The following DPYSL2 variants were observed in gnomAD, a reference collection of about 807,000 sequenced individuals.
The protein encoded by DPYSL2 is dihydropyrimidinase like 2.
DPYSL2 carries 13 observed loss-of-function variants against 69.9 expected under a neutral mutation model. The ratio of observed to expected loss-of-function variants is 0.19; its 90% CI spans 0.12 to 0.30. The LOEUF (loss-of-function observed/expected upper bound fraction) is 0.30, where lower values mean the gene tolerates loss of function less well. Ranked by LOEUF, DPYSL2 falls within the 10% of genes least tolerant of loss-of-function variation. The pLI, the probability that DPYSL2 is intolerant of heterozygous loss-of-function variation, is 1.00. For synonymous variants in DPYSL2, 326 were observed against 359.1 expected, an observed-to-expected ratio of 0.91 and a Z score of 1.04; for missense variants, 587 against 918.9, an observed-to-expected ratio of 0.64 and a Z score of 4.67.
rs750688878 is a variant in DPYSL2, at chr8:26,626,644, C to T, written c.821C>T (p.Ala274Val). ...HGVNSFLVYM[A>V]FKDRFQLTDC... ...GTAAATTCCTTCCTCGTGTACATGG[C>T]TTTCAAAGATCGCTTCCAGCTAACG... Residue 274 changes from alanine to valine, a missense_variant, in exon 5 of 14, where the codon GCT (alanine) becomes GTT (valine). Ala to Val is a moderately conservative substitution (Grantham distance 64). This residue lies in a region of DPYSL2 where 452 missense variants were observed against 754.3 expected (regional missense o/e 0.60). Transcript: ENST00000521913. This position sits in a 1 kb window ranked among gnomAD's most constrained non-coding sequence, Gnocchi z 4.3. 1 of 1,614,072 alleles carries T rather than the reference C, an allele frequency of 6.2e-7. No individual in the cohort carries two copies. Among genetic ancestry groups the T allele is most frequent in the African/African-American group, 1.3e-5 (1 of 74,918 alleles).
intron 8 of DPYSL2, among the ~76,000 whole-genome samples, chr8:26,637,157 C>T (rs139270958): frequency 1.7e-3 from 265 of 152,314 alleles, no homozygotes; most frequent in African/African-American, 6.1e-3. Context: ...AATGTGCCCA[C>T]ACCATGGTTC....
intron 3 of DPYSL2, among the ~76,000 whole-genome samples, chr8:26,601,953 G>A (rs1304602454): frequency 2.0e-5 from 3 of 152,214 alleles, no homozygotes; most frequent in South Asian, 4.1e-4. Flanking sequence ...CAACCTAGAT[G>A]TTTGTTATTT....
At chr8:26,578,400 T>G (rs1325826586) in intron 1 of DPYSL2, 2 of 1,578,650 alleles carry the variant, frequency 1.3e-6, no homozygotes, top group Admixed American at 1.9e-5. Context: ...CCGAACTTTT[T>G]TTTTCCTTTC....
rs562391926 is a variant in DPYSL2, at chr8:26,609,584, A to T, written c.629-14559A>T. On this transcript the variant is annotated intron_variant, in intron 3 of 13. Coordinates refer to ENST00000521913, the MANE Select transcript of DPYSL2 (RefSeq NM_001197293.3). The surrounding 1 kb of genome is among the most constrained non-coding windows in gnomAD (Gnocchi z 6.5). Reference sequence around the variant, plus strand: ...TCTGAATCTGTGGTCCCGTAGCCCCAGGCAACCAAAAGCTGAGACAAACAG... The same window carrying T: ...TCTGAATCTGTGGTCCCGTAGCCCCTGGCAACCAAAAGCTGAGACAAACAG... Among the ~76,000 whole-genome samples, 114 of 152,276 alleles carry T rather than the reference A, an allele frequency of 7.5e-4. 1 individual carries two copies. The highest frequency in any genetic ancestry group is 2.7e-3 in the African/African-American group (112 of 41,558).
At position 26,624,042 on chromosome 8, in the gene DPYSL2, G is replaced by T; in HGVS notation, c.629-101G>T. On this transcript the variant is annotated intron_variant, in intron 3 of 13. Coordinates refer to ENST00000521913, the MANE Select transcript of DPYSL2 (RefSeq NM_001197293.3). The surrounding 1 kb of genome is among the most constrained non-coding windows in gnomAD (Gnocchi z 4.7). Reference sequence around the variant, plus strand: ...TTGTAGAGATCACCATCTCGATTTTGAACCCAAGAAGCCTTATTCAGGGTT... The same window carrying T: ...TTGTAGAGATCACCATCTCGATTTTTAACCCAAGAAGCCTTATTCAGGGTT... 7.7e-7 allele frequency: 1 copy of T among 1,290,740 alleles called. No homozygotes were observed. Among genetic ancestry groups the T allele is most frequent in the East Asian group, 2.3e-5 (1 of 42,930 alleles). 80.0% of individuals were successfully genotyped at this position (1,290,740 alleles called of 1,614,324 possible). A position where few individuals can be genotyped will look rare whatever the true frequency, so the allele number is the denominator to read the frequency against.
In DPYSL2 at chr8:26,643,949, G is replaced by A; in HGVS notation, c.1284-1G>A. 6.2e-7 allele frequency: 1 copy of A among 1,613,808 alleles called. No individual in the cohort carries two copies. The highest frequency in any genetic ancestry group is 8.5e-7 in the Non-Finnish European group (1 of 1,179,822). ...CACCACGTTATGCATTTTCTTTGCA[G>A]TGGAGACCTCCAGGTCACGGGCAGT... On this transcript the variant is annotated splice_acceptor_variant, in intron 9 of 13. Transcript: ENST00000521913. LOFTEE classifies it high-confidence loss of function. The surrounding 1 kb of genome is among the most constrained non-coding windows in gnomAD (Gnocchi z 6.5).
Position 26,604,776 on chromosome 8 carries a change from C to T in DPYSL2, c.629-19367C>T, listed in dbSNP as rs139091686. Among the ~76,000 whole-genome samples, 439 of 152,230 alleles carry T rather than the reference C, an allele frequency of 2.9e-3. 1 individual carries two copies. Among genetic ancestry groups the T allele is most frequent in the African/African-American group, 0.01 (428 of 41,524 alleles). Reference sequence around the variant, plus strand: ...TCCGGGGTTCAAGTGATTCTCCTGCCTCAGCCTCCCAAGTAGCTGGGATTG... The same window carrying T: ...TCCGGGGTTCAAGTGATTCTCCTGCTTCAGCCTCCCAAGTAGCTGGGATTG... On this transcript the variant is annotated intron_variant, in intron 3 of 13. Coordinates refer to ENST00000521913, the MANE Select transcript of DPYSL2 (RefSeq NM_001197293.3).
chr8:26,643,672 A>G lies in DPYSL2; in HGVS notation c.1283+77A>G, dbSNP rs1002411548. 3 of 1,598,042 alleles carry G rather than the reference A, an allele frequency of 1.9e-6. No homozygotes were observed. The highest frequency in any genetic ancestry group is 1.3e-5 in the African/African-American group (1 of 74,684). ...GACTGACCTGTTAGGCGAAAACAAC[A>G]TGGTGGCCAAGAGCAGCCATAAAAC... On this transcript the variant is annotated intron_variant, in intron 9 of 13. Coordinates refer to ENST00000521913, the MANE Select transcript of DPYSL2 (RefSeq NM_001197293.3). The surrounding 1 kb of genome is among the most constrained non-coding windows in gnomAD (Gnocchi z 6.5).
chr8:26,556,144 G>GTATATATATAGTATA (rs1221324917), intron 1 of DPYSL2, among the ~76,000 whole-genome samples: 356 of 2,574 alleles, frequency 0.14, 80 homozygotes, highest in African/African-American at 0.15. Flanking sequence ...ACTATATATA[G>GTATATATATAGTATA]TATATACTAT....
Position 26,627,797 on chromosome 8 carries a change from A to ATGCCC in DPYSL2, c.937-74_937-70dup. 6.9e-7 allele frequency: 1 copy of ATGCCC among 1,453,210 alleles called. No homozygotes were observed. The highest frequency in any genetic ancestry group is 1.2e-5 in the South Asian group (1 of 84,188). 90.0% of individuals were successfully genotyped at this position (1,453,210 alleles called of 1,614,324 possible). A position where few individuals can be genotyped will look rare whatever the true frequency, so the allele number is the denominator to read the frequency against. ...TTTTCCATCTTGCCCGGATAACTGC[A>ATGCCC]TGCCCGGGCCTCTGCCATCAGAGCT... On this transcript the variant is annotated intron_variant, in intron 6 of 13. Transcript: ENST00000521913. This position sits in a 1 kb window ranked among gnomAD's most constrained non-coding sequence, Gnocchi z 6.9.
In DPYSL2 at chr8:26,516,505, C is replaced by T. The variant is rs368793327; in HGVS notation, c.354+1826C>T. Among the ~76,000 whole-genome samples the T allele has an allele frequency of 2.6e-5, 4 of 152,062 alleles. No individual in the cohort carries two copies. The highest frequency in any genetic ancestry group is 9.7e-5 in the African/African-American group (4 of 41,394). Reference sequence around the variant, plus strand: ...AGGATAGGGGTTGAAAGTGGCCCACCCCTATCATGAATTAGAACTCAAGTT... The same window carrying T: ...AGGATAGGGGTTGAAAGTGGCCCACTCCTATCATGAATTAGAACTCAAGTT... On this transcript the variant is annotated intron_variant, in intron 1 of 13. Coordinates refer to ENST00000521913, the MANE Select transcript of DPYSL2 (RefSeq NM_001197293.3). The surrounding 1 kb of genome is among the most constrained non-coding windows in gnomAD (Gnocchi z 4.8).
Position 26,517,068 on chromosome 8 carries a change from G to T in DPYSL2, c.354+2389G>T, listed in dbSNP as rs563572903. 2.0e-5 allele frequency among the ~76,000 whole-genome samples: 3 copies of T among 152,304 alleles called. No individual in the cohort carries two copies. The highest frequency in any genetic ancestry group is 6.5e-5 in the Admixed American group (1 of 15,300). ...ATTGGAAGCCCTGACGCAGAGAAAG[G>T]TGGGGGAGATTGAGAATGGGTGGAT... On this transcript the variant is annotated intron_variant, in intron 1 of 13. Transcript: ENST00000521913. This position sits in a 1 kb window ranked among gnomAD's most constrained non-coding sequence, Gnocchi z 4.2.
At chr8:26,645,078 A>G (rs1803131342) in intron 10 of DPYSL2, among the ~76,000 whole-genome samples, 1 of 152,106 alleles carries the variant, frequency 6.6e-6, no homozygotes, top group Non-Finnish European at 1.5e-5. Flanking sequence ...TGTATATGTG[A>G]CATGCGTGAG....
intron 1 of DPYSL2, among the ~76,000 whole-genome samples, chr8:26,535,887 C>T (rs1800583738): frequency 7.0e-6 from 1 of 141,894 alleles, no homozygotes; most frequent in African/African-American, 2.8e-5. Context: ...AAATTATAAG[C>T]TCTCTATGGG....
rs1004023715 is a variant in DPYSL2, at chr8:26,614,116, C to T, written c.629-10027C>T. On this transcript the variant is annotated intron_variant, in intron 3 of 13. Transcript: ENST00000521913. This position sits in a 1 kb window ranked among gnomAD's most constrained non-coding sequence, Gnocchi z 4.9. The stretch of plus-strand genomic sequence containing the variant: ...AGCATTCCGGCTTGGGTGACAGAAC[C>T]AGACCCTGTCTCAAAAAAATAAATA... 2.6e-5 allele frequency among the ~76,000 whole-genome samples: 4 copies of T among 151,938 alleles called. No individual in the cohort carries two copies. The highest frequency in any genetic ancestry group is 7.3e-5 in the African/African-American group (3 of 41,376).
chr8:26,576,640 G>A (rs953789388), intron 1 of DPYSL2, among the ~76,000 whole-genome samples: 2 of 152,202 alleles, frequency 1.3e-5, no homozygotes, highest in African/African-American at 2.4e-5. Flanking sequence ...GACCACGAAG[G>A]GGCCTTGAGT....
At chr8:26,577,038 C>G (rs990708397) in intron 1 of DPYSL2, 3 of 374,982 alleles carry the variant, frequency 8.0e-6, no homozygotes, top group Non-Finnish European at 1.1e-5. Context: ...CTCCGCCCTA[C>G]TAAGTTCCTC....
rs1002624606 is a variant in DPYSL2 at position 26,514,049 on chromosome 8, G to A, written c.-277G>A. The A allele has an allele frequency of 2.7e-5, 8 of 294,764 alleles. No individual in the cohort carries two copies. Among genetic ancestry groups the A allele is most frequent in the Non-Finnish European group, 4.4e-5 (7 of 160,378 alleles). 18.3% of individuals were successfully genotyped at this position (294,764 alleles called of 1,614,324 possible). On this transcript the variant is annotated 5_prime_UTR_variant, in exon 1 of 14. Transcript: ENST00000521913. This position sits in a 1 kb window ranked among gnomAD's most constrained non-coding sequence, Gnocchi z 8.4. ...TGGCAGCCTTTCGGCTCCCGCAGCC[G>A]CAGCGGACGCCCTCCCAGATCCAAC...
chr8:26,594,713 G>C (rs1801819157), intron 3 of DPYSL2, among the ~76,000 whole-genome samples: 1 of 151,996 alleles, frequency 6.6e-6, no homozygotes, highest in Non-Finnish European at 1.5e-5. Context: ...CCATTCATCT[G>C]TTCATCTTTC....
Sources: gnomAD v4.1 joint callset for allele counts (sites outside exome capture counted in the v4.1 genomes callset) on GRCh38, gnomAD v4.1.1 for gene constraint, gnomAD v4.1.1 regional missense constraint, Gnocchi (gnomAD v3.1) non-coding constraint, MANE v1.5 for transcripts, NCBI Gene and HGNC (gene_info 2026-07-23, HGNC 2026-07-21) for gene names.